The following ZNF233 variants were observed in gnomAD, a reference collection of about 807,000 sequenced individuals.
The protein encoded by ZNF233 is zinc finger protein 233.
A neutral mutation model predicts 11.6 loss-of-function variants in ZNF233; 7 were observed. The observed-to-expected ratio is 0.60, with a 90% CI of 0.34 to 1.13. ZNF233 has a LOEUF of 1.13. ZNF233 is among the 50% of genes most tolerant of loss of function. The probability of loss-of-function intolerance (pLI) is 0.03; values close to 1 mark genes in which losing one functional copy is unlikely to be tolerated. For missense variants in ZNF233, 711 were observed against 785.5 expected, an observed-to-expected ratio of 0.91 and a Z score of 1.13; for synonymous variants, 226 against 268.5, an observed-to-expected ratio of 0.84 and a Z score of 1.55.
At chr19:44,272,188 AC>A (rs1342205250) in intron 4 of ZNF233, among the ~76,000 whole-genome samples, 1 of 150,278 alleles carries the variant, frequency 6.7e-6, no homozygotes, top group Non-Finnish European at 1.5e-5. Context: ...AGATCGTGCC[AC>A]CACACTCCAG....
chr19:44,267,804 C>T (rs780084928), intron 4 of ZNF233: 11 of 169,668 alleles, frequency 6.5e-5, no homozygotes, highest in Non-Finnish European at 1.2e-4. Context: ...CATCTCATCA[C>T]AGAAACCTGC....
rs371654157 is a variant in ZNF233 at position 44,274,619 on chromosome 19, T to A, written c.1959T>A (p.Cys653Ter). 92 of 1,605,174 alleles carry A rather than the reference T, an allele frequency of 5.7e-5. No individual in the cohort carries two copies. The highest frequency in any genetic ancestry group is 7.3e-5 in the Non-Finnish European group (86 of 1,178,996). ...TGEKPYKCFV[C>*]GKGFSKSSLS... ...AGAAACCATACAAATGTTTTGTGTG[T>A]GGTAAGGGCTTTAGTAAGAGTTCGT... The change falls in exon 5 of 5, where the codon TGT becomes TGA. Residue 653 changes from cysteine (C) to a stop codon, truncating the protein, a stop_gained. Transcript: ENST00000683810. LOFTEE classifies it low-confidence loss of function (END_TRUNC).
At chr19:44,269,292 TTTTG>T (rs1402623380) in intron 4 of ZNF233, among the ~76,000 whole-genome samples, 1 of 151,976 alleles carries the variant, frequency 6.6e-6, no homozygotes, top group Non-Finnish European at 1.5e-5. Flanking sequence ...TCTTGACTGT[TTTTG>T]TTTTTTTTTT....
intron 2 of ZNF233, among the ~76,000 whole-genome samples, chr19:44,265,931 C>T (rs1975069880): frequency 6.6e-6 from 1 of 152,150 alleles, no homozygotes; most frequent in African/African-American, 2.4e-5. Context: ...AGTGCTGGGG[C>T]ATTTACTGTT....
In ZNF233 at chr19:44,266,466, T is replaced by C. The variant is rs138734801; in HGVS notation, c.142+142T>C. ...TAATTCCTCAGGGACATCTTGTCTA[T>C]ACCTTGTCTATTTTTCTCAAATTGC... On this transcript the variant is annotated intron_variant, in intron 3 of 4. Transcript: ENST00000683810. 15 of 1,147,428 alleles carry C rather than the reference T, an allele frequency of 1.3e-5. No individual in the cohort carries two copies. In the Admixed American group the frequency reaches 1.9e-4, roughly 14 times the overall value. 71.1% of individuals were successfully genotyped at this position (1,147,428 alleles called of 1,614,324 possible).
chr19:44,261,519 G>C (rs1001160867), intron 1 of ZNF233, among the ~76,000 whole-genome samples: 2 of 152,044 alleles, frequency 1.3e-5, no homozygotes, highest in Non-Finnish European at 2.9e-5. Flanking sequence ...ATTTTTTTAA[G>C]GATTTGCAGG....
Position 44,272,961 on chromosome 19 carries a change from G to T in ZNF233, c.301G>T (p.Glu101Ter). The change falls in exon 5 of 5, where the codon GAA becomes TAA. Residue 101 changes from glutamate (E) to a stop codon, truncating the protein, a stop_gained. Coordinates refer to ENST00000683810, the MANE Select transcript of ZNF233 (RefSeq NM_001207005.2). LOFTEE classifies it low-confidence loss of function (END_TRUNC). ...AGTAAGATTAAGATTCCTTTCATAT[G>T]AAGACCTTATATGCTGGCAAATATG... ...QEVRLRFLSY[E>*]DLICWQIWEQ... is the part of the protein sequence containing the mutation. 1 of 1,611,574 alleles carries T rather than the reference G, an allele frequency of 6.2e-7. No homozygotes were observed. The highest frequency in any genetic ancestry group is 8.5e-7 in the Non-Finnish European group (1 of 1,179,440).
rs1364075657 is a variant in ZNF233 at position 44,273,564 on chromosome 19, C to T, written c.904C>T (p.Pro302Ser). 2.5e-6 allele frequency: 4 copies of T among 1,614,202 alleles called. No homozygotes were observed. The highest frequency in any genetic ancestry group is 1.7e-5 in the Admixed American group (1 of 60,024). ...GGGCATAGGTTACAGCTCAGGGCTTCCCAGGCATCAGTGTTTCCACATAGG... is the reference window on the plus strand; with the variant it reads ...GGGCATAGGTTACAGCTCAGGGCTTTCCAGGCATCAGTGTTTCCACATAGG... ...GKGIGYSSGL[P>S]RHQCFHIGEK... The change falls in exon 5 of 5, where the codon CCC (proline) becomes TCC (serine). Residue 302 changes from proline (P) to serine (S), a missense_variant. Physicochemically the swap from Pro to Ser is moderately conservative, Grantham distance 74 (BLOSUM62 -1). Coordinates refer to ENST00000683810, the MANE Select transcript of ZNF233 (RefSeq NM_001207005.2).
intron 1 of ZNF233, among the ~76,000 whole-genome samples, chr19:44,263,370 T>C (rs867078676): frequency 2.0e-5 from 3 of 152,230 alleles, no homozygotes; most frequent in South Asian, 4.1e-4. Flanking sequence ...TTTGTCTCTA[T>C]GGTTTAGCCT....
chr19:44,264,724 A>G (rs2123043001), intron 2 of ZNF233, among the ~76,000 whole-genome samples: 1 of 152,288 alleles, frequency 6.6e-6, no homozygotes, highest in African/African-American at 2.4e-5. Context: ...TTGTCAGTGT[A>G]TTTTAAAGAA....
At chr19:44,268,821 T>C (rs1054591900) in intron 4 of ZNF233, among the ~76,000 whole-genome samples, 1 of 141,450 alleles carries the variant, frequency 7.1e-6, no homozygotes, top group African/African-American at 3.2e-5. Context: ...CTTCACTTCT[T>C]CCTTCATTTA....
chr19:44,263,110 A>G (rs1442950736), intron 1 of ZNF233, among the ~76,000 whole-genome samples: 1 of 152,216 alleles, frequency 6.6e-6, no homozygotes, highest in Non-Finnish European at 1.5e-5. Context: ...TTGAGAGCTT[A>G]TATAATGTGC....
At chr19:44,262,290 G>A (rs142869656) in intron 1 of ZNF233, among the ~76,000 whole-genome samples, 1,805 of 152,356 alleles carry the variant, frequency 0.012, 15 homozygotes, top group Non-Finnish European at 0.019. Context: ...CTTCCAAGAG[G>A]AGGGATTACA....
In ZNF233 at chr19:44,272,937, G is replaced by A; in HGVS notation, c.277G>A (p.Val93Ile). 1.2e-6 allele frequency: 2 copies of A among 1,603,736 alleles called. No individual in the cohort carries two copies. Among genetic ancestry groups the A allele is most frequent in the Non-Finnish European group, 1.7e-6 (2 of 1,177,196 alleles). ...AAATGAGATAGATACCCTTCAAGAA[G>A]TAAGATTAAGATTCCTTTCATATGA... The part of the protein sequence containing the change: ...NQNEIDTLQE[V>I]RLRFLSYEDL... Residue 93 changes from valine to isoleucine, a missense_variant, in exon 5 of 5, where the codon GTA (valine) becomes ATA (isoleucine). By Grantham distance (29) the Val-to-Ile change is conservative. Coordinates refer to ENST00000683810, the MANE Select transcript of ZNF233 (RefSeq NM_001207005.2).
rs554539565 is a variant in ZNF233, at chr19:44,273,101, AT to A, written c.442del (p.Ser148LeufsTer11). On this transcript the variant is annotated frameshift_variant, in exon 5 of 5. Coordinates refer to ENST00000683810, the MANE Select transcript of ZNF233 (RefSeq NM_001207005.2). LOFTEE classifies it low-confidence loss of function (END_TRUNC). ...DSPCQVWTGE[S>X]SQVSEDENYV... Reference sequence around the variant, plus strand: ...CCCCCTGTCAGGTGTGGACAGGAGAATCTAGTCAGGTCTCTGAAGATGAGAA... The same window carrying A: ...CCCCCTGTCAGGTGTGGACAGGAGAACTAGTCAGGTCTCTGAAGATGAGAA... The A allele has an allele frequency of 1.2e-6, 2 of 1,614,118 alleles. No individual in the cohort carries two copies. The highest frequency in any genetic ancestry group is 2.2e-5 in the South Asian group (2 of 91,070).
intron 1 of ZNF233, among the ~76,000 whole-genome samples, chr19:44,261,037 C>A (rs183134340): frequency 6.0e-4 from 91 of 152,278 alleles, no homozygotes; most frequent in African/African-American, 2.0e-3. Flanking sequence ...AAACATTTAT[C>A]TTCCCAAAGT....
rs779806358 is a variant in ZNF233 at position 44,273,958 on chromosome 19, G to A, written c.1298G>A (p.Arg433Lys). ...DKTYKWEVSDRIFNRNSGLHQ... is the reference protein window; with the variant it reads ...DKTYKWEVSDKIFNRNSGLHQ... ...ACATACAAATGGGAAGTAAGTGACA[G>A]GATATTTAATAGGAATTCTGGTCTT... The change falls in exon 5 of 5, where the codon AGG (arginine) becomes AAG (lysine). Residue 433 changes from arginine (R) to lysine (K), a missense_variant. Transcript: ENST00000683810. 6.2e-7 allele frequency: 1 copy of A among 1,613,490 alleles called. No individual in the cohort carries two copies. The highest frequency in any genetic ancestry group is 8.5e-7 in the Non-Finnish European group (1 of 1,179,708).
In ZNF233 at chr19:44,274,698, T is replaced by A; in HGVS notation, c.*25T>A. 1 of 1,549,164 alleles carries A rather than the reference T, an allele frequency of 6.5e-7. No homozygotes were observed. Among genetic ancestry groups the A allele is most frequent in the Non-Finnish European group, 8.8e-7 (1 of 1,141,446 alleles). The stretch of plus-strand genomic sequence containing the variant: ...ATGGTGATGAATCTATTAATCATGA[T>A]GAGTGTGATAGGGGTGCTCTTCAAG... On this transcript the variant is annotated 3_prime_UTR_variant, in exon 5 of 5. Coordinates refer to ENST00000683810, the MANE Select transcript of ZNF233 (RefSeq NM_001207005.2).
In ZNF233 at chr19:44,259,956, C is replaced by T. The variant is rs1372205411; in HGVS notation, c.-48+18C>T. 4.4e-6 allele frequency: 2 copies of T among 455,012 alleles called. No individual in the cohort carries two copies. Among genetic ancestry groups the T allele is most frequent in the Non-Finnish European group, 8.8e-6 (2 of 226,194 alleles). The allele number at this position is 455,012 out of a possible 1,614,324, so 28.2% of individuals were successfully genotyped here. ...TCTGGGAGGTGAGTCAGCGCGGAACCTCTGCATCTACGGCGAGCTTTCCTG... is the reference window on the plus strand; with the variant it reads ...TCTGGGAGGTGAGTCAGCGCGGAACTTCTGCATCTACGGCGAGCTTTCCTG... On this transcript the variant is annotated intron_variant, in intron 1 of 4. Coordinates refer to ENST00000683810, the MANE Select transcript of ZNF233 (RefSeq NM_001207005.2).
Sources: allele counts gnomAD v4.1 joint callset (sites outside exome capture counted in the v4.1 genomes callset), GRCh38; gene constraint gnomAD v4.1.1; transcripts MANE v1.5; gene names NCBI Gene and HGNC (gene_info 2026-07-23, HGNC 2026-07-21).